Variants in HPSE2 observed in about 807,000 individuals in gnomAD.
HPSE2 encodes the protein inactive heparanase-2.
Under a neutral mutation model 60.5 loss-of-function variants are expected in HPSE2, and 38 were observed. The ratio of observed to expected loss-of-function variants is 0.63; its 90% confidence interval spans 0.48 to 0.82. HPSE2 has a LOEUF of 0.82. Ranked by LOEUF, HPSE2 falls within the 40% of genes least tolerant of loss-of-function variation. HPSE2 has a pLI of 0.00. For synonymous variants in HPSE2, 295 were observed against 293.2 expected, an observed-to-expected ratio of 1.01 and a Z score of -0.06; for missense variants, 713 against 740.4, an observed-to-expected ratio of 0.96 and a Z score of 0.43.
At chr10:99,077,768 A>T (rs1842997634) in intron 3 of HPSE2, among the ~76,000 whole-genome samples, 1 of 151,486 alleles carries the variant, frequency 6.6e-6, no homozygotes, top group Non-Finnish European at 1.5e-5. Flanking sequence ...TCTATGTTGA[A>T]ATTTTCACTT....
rs1048727175 is a variant in HPSE2 at position 98,991,840 on chromosome 10, A to G, written c.610+152398T>C. ...TCATGAAAGTAAAGTAAACCCAGTT[A>G]GCAAAGTCATGCTCCACCAACATAA... is the stretch of plus-strand genomic sequence containing the variant. On this transcript the variant is annotated intron_variant, in intron 3 of 11. Transcript: ENST00000370552. Among the ~76,000 whole-genome samples, 32 of 152,282 alleles carry G rather than the reference A, an allele frequency of 2.1e-4. 2 individuals are homozygous for G. In the South Asian group the frequency reaches 6.6e-3, roughly 32 times the overall value.
At chr10:98,965,745 C>G (rs765000608) in intron 3 of HPSE2, among the ~76,000 whole-genome samples, 1 of 152,226 alleles carries the variant, frequency 6.6e-6, no homozygotes, top group African/African-American at 2.4e-5. Context: ...TGTCTCTTAA[C>G]TTATTAGTTG....
intron 3 of HPSE2, among the ~76,000 whole-genome samples, chr10:98,823,440 G>C (rs533213779): frequency 1.3e-5 from 2 of 152,172 alleles, no homozygotes; most frequent in South Asian, 4.1e-4. Context: ...GCAATATAGC[G>C]AGATCCAATC....
At chr10:98,734,826 C>G (rs1424284220) in intron 4 of HPSE2, among the ~76,000 whole-genome samples, 3 of 150,910 alleles carry the variant, frequency 2.0e-5, no homozygotes, top group Non-Finnish European at 4.4e-5. Context: ...ATTTTTAGAG[C>G]AATTTTAGGT....
chr10:98,655,446 G>C (rs1947035025), intron 6 of HPSE2, among the ~76,000 whole-genome samples: 1 of 152,168 alleles, frequency 6.6e-6, no homozygotes, highest in Non-Finnish European at 1.5e-5. Context: ...GGCTTCAGCA[G>C]TTTCTGCTCT....
chr10:98,887,758 T>C (rs1301795881), intron 3 of HPSE2, among the ~76,000 whole-genome samples: 1 of 151,930 alleles, frequency 6.6e-6, no homozygotes, highest in East Asian at 1.9e-4. Flanking sequence ...GAAAAATGCA[T>C]CTCCAAGAAT....
intron 3 of HPSE2, among the ~76,000 whole-genome samples, chr10:98,847,425 A>T (rs1952060436): frequency 6.6e-6 from 1 of 152,242 alleles, no homozygotes; most frequent in South Asian, 2.1e-4. Context: ...GAGAGGTTAC[A>T]CAGGTAATAA....
chr10:98,845,594 C>A (rs921934102), intron 3 of HPSE2, among the ~76,000 whole-genome samples: 2 of 152,210 alleles, frequency 1.3e-5, no homozygotes, highest in African/African-American at 4.8e-5. Flanking sequence ...TCCATGGTGA[C>A]CACTTTGTGG....
intron 3 of HPSE2, among the ~76,000 whole-genome samples, chr10:99,136,130 A>G (rs1845640660): frequency 6.6e-6 from 1 of 152,232 alleles, no homozygotes; most frequent in South Asian, 2.1e-4. Flanking sequence ...AATAAACTGG[A>G]AAATCTAGAA....
chr10:98,544,638 A>G (rs4919236), intron 9 of HPSE2, among the ~76,000 whole-genome samples: 125,317 of 146,184 alleles, frequency 0.86, 54,508 homozygotes, highest in East Asian at 1. Context: ...GCGTGAACCC[A>G]GGAGGCGGAG....
intron 3 of HPSE2, among the ~76,000 whole-genome samples, chr10:99,102,112 G>C (rs543959325): frequency 1.8e-4 from 28 of 152,100 alleles, no homozygotes; most frequent in African/African-American, 4.1e-4. Flanking sequence ...GCTAGCAGAA[G>C]GCAAGAAATA....
At chr10:98,947,301 A>G (rs1293261045) in intron 3 of HPSE2, among the ~76,000 whole-genome samples, 3 of 152,186 alleles carry the variant, frequency 2.0e-5, no homozygotes, top group African/African-American at 4.8e-5. Context: ...CAGGACTGCT[A>G]TAAGAAAGGC....
chr10:99,051,701 C>T (rs1331380043), intron 3 of HPSE2, among the ~76,000 whole-genome samples: 1 of 152,142 alleles, frequency 6.6e-6, no homozygotes, highest in African/African-American at 2.4e-5. Flanking sequence ...TCAGCTGCTA[C>T]CTAATTCAGG....
At chr10:99,242,065 T>TC in the HPSE2 span, among the ~76,000 whole-genome samples, 1 of 152,094 alleles carries the variant, frequency 6.6e-6, no homozygotes, top group Admixed American at 6.6e-5. Context: ...GATTTTCTAC[T>TC]AGGAAAGGGA....
chr10:98,570,056 C>A (rs1197062289), intron 9 of HPSE2, among the ~76,000 whole-genome samples: 1 of 152,214 alleles, frequency 6.6e-6, no homozygotes, highest in Non-Finnish European at 1.5e-5. Flanking sequence ...TCTCTGGCCA[C>A]CTCACAACAT....
chr10:99,314,617 C>T, the HPSE2 span, among the ~76,000 whole-genome samples: 2 of 152,116 alleles, frequency 1.3e-5, no homozygotes. Flanking sequence ...GGAACAAAAC[C>T]CGCGGTATCC....
At chr10:98,564,719 G>A (rs368638887) in intron 9 of HPSE2, among the ~76,000 whole-genome samples, 1 of 152,168 alleles carries the variant, frequency 6.6e-6, no homozygotes, top group Non-Finnish European at 1.5e-5. Flanking sequence ...AAACATTTTA[G>A]GGGGTTTATA....
intron 9 of HPSE2, among the ~76,000 whole-genome samples, chr10:98,581,178 C>T (rs1014890634): frequency 2.0e-5 from 3 of 151,978 alleles, no homozygotes; most frequent in Non-Finnish European, 4.4e-5. Flanking sequence ...GTTGGGAATA[C>T]AGGTGTGAGC....
At chr10:98,530,401 G>A (rs1381747480) in intron 9 of HPSE2, among the ~76,000 whole-genome samples, 5 of 152,110 alleles carry the variant, frequency 3.3e-5, no homozygotes, top group Non-Finnish European at 7.4e-5. Context: ...TAAGACTGAC[G>A]TGGACTCCAA....
Sources: gnomAD v4.1 joint callset for allele counts (sites outside exome capture counted in the v4.1 genomes callset) on GRCh38, gnomAD v4.1.1 for gene constraint, MANE v1.5 for transcripts, NCBI Gene and HGNC (gene_info 2026-07-23, HGNC 2026-07-21) for gene names.